CEP290: variants seen among roughly 807,000 people sequenced by gnomAD.
CEP290 encodes centrosomal protein of 290 kDa.
CEP290 carries 317 observed loss-of-function variants against 344.9 expected under a neutral mutation model. The observed-to-expected ratio is 0.92, with a 90% CI of 0.84 to 1.01. The LOEUF (loss-of-function observed/expected upper bound fraction) is 1.01, where lower values mean the gene tolerates loss of function less well. CEP290 is among the 50% of genes least tolerant of loss of function. The pLI, the probability that CEP290 is intolerant of heterozygous loss-of-function variation, is 0.00. For missense variants in CEP290, 2,754 were observed against 2,761.4 expected, an observed-to-expected ratio of 1.00 and a Z score of 0.06; for synonymous variants, 932 against 895.8, an observed-to-expected ratio of 1.04 and a Z score of -0.72.
chr12:88,122,086 G>A (rs945293754), intron 13 of CEP290, among the ~76,000 whole-genome samples: 3 of 151,918 alleles, frequency 2.0e-5, no homozygotes, highest in Non-Finnish European at 4.4e-5. Flanking sequence ...TTGGACTTAG[G>A]CATAAAACTA....
chr12:88,055,562 A>C lies in CEP290; in HGVS notation c.6960+14T>G, dbSNP rs1029688867. On this transcript the variant is annotated intron_variant, in intron 50 of 53. Transcript: ENST00000552810. ...GCATTATTTTATCATGTAAAGAAAA[A>C]TTACGTTACTTACCTGTTGTTCAAG... 2 of 1,555,936 alleles carry C rather than the reference A, an allele frequency of 1.3e-6. No individual in the cohort carries two copies. The highest frequency in any genetic ancestry group is 2.7e-5 in the African/African-American group (2 of 73,036).
At position 88,071,562 on chromosome 12, in the gene CEP290, A is replaced by C. The variant is rs1468536333; in HGVS notation, c.5856-113T>G. ...ATTGTAACACCCTATATTTGTCATA[A>C]GCTAATTTACAACGAGATCACAGGA... On this transcript the variant is annotated intron_variant, in intron 42 of 53. Coordinates refer to ENST00000552810, the MANE Select transcript of CEP290 (RefSeq NM_025114.4). 7.2e-6 allele frequency: 7 copies of C among 967,518 alleles called. No homozygotes were observed. The Admixed American group carries it at 2.1e-4, about 30-fold the overall frequency. The allele number at this position is 967,518 out of a possible 1,614,324, so 59.9% of individuals were successfully genotyped here. A position where few individuals can be genotyped will look rare whatever the true frequency, so the allele number is the denominator to read the frequency against.
chr12:88,060,787 C>A (rs369896065), intron 47 of CEP290, 43 bp downstream of exon 47: 1 of 1,419,096 alleles, frequency 7.0e-7, no homozygotes, highest in Non-Finnish European at 9.5e-7. Context: ...AGTAACAAAA[C>A]GTAAAATATT....
chr12:88,069,821 T>C lies in CEP290; in HGVS notation c.6012-1176A>G, dbSNP rs1047058360. On this transcript the variant is annotated intron_variant, in intron 43 of 53. Coordinates refer to ENST00000552810, the MANE Select transcript of CEP290 (RefSeq NM_025114.4). Reference sequence around the variant, plus strand: ...ATGTGTATTTACAAAGGGTAAATACTGTCATATCCAAATGTTGCAGGTAGA... The same window carrying C: ...ATGTGTATTTACAAAGGGTAAATACCGTCATATCCAAATGTTGCAGGTAGA... 1.4e-4 allele frequency among the ~76,000 whole-genome samples: 21 copies of C among 152,182 alleles called. 1 individual carries two copies. Among genetic ancestry groups the C allele is most frequent in the Admixed American group, 1.2e-3 (19 of 15,274 alleles).
At position 88,115,128 on chromosome 12, in the gene CEP290, T is replaced by A. The variant is rs779087591; in HGVS notation, c.1879A>T (p.Arg627Trp). 5 of 1,489,332 alleles carry A rather than the reference T, an allele frequency of 3.4e-6. No homozygotes were observed. The highest frequency in any genetic ancestry group is 3.7e-6 in the Non-Finnish European group (4 of 1,088,346). 92.3% of individuals were successfully genotyped at this position (1,489,332 alleles called of 1,614,324 possible). A position where few individuals can be genotyped will look rare whatever the true frequency, so the allele number is the denominator to read the frequency against. ...TTCTGAAATTTGGCTATCACTGTCC[T>A]ACTCCTTTCTAAATCTCTTTCTTTT... ...IEKERDLERS[R>W]TVIAKFQNKL... Residue 627 changes from arginine (R) to tryptophan (W), a missense_variant, in exon 19 of 54, where the codon AGG becomes TGG. Arg to Trp is a moderately radical substitution (Grantham distance 101). Coordinates refer to ENST00000552810, the MANE Select transcript of CEP290 (RefSeq NM_025114.4).
At chr12:88,119,916 C>T (rs940634976) in intron 15 of CEP290, among the ~76,000 whole-genome samples, 198 bp downstream of exon 15, 2 of 152,044 alleles carry the variant, frequency 1.3e-5, no homozygotes, top group African/African-American at 4.8e-5. Context: ...CAGCCCTGCC[C>T]ACCCACCACT....
chr12:88,093,657 C>G, intron 28 of CEP290, 113 bp downstream of exon 28: 2 of 712,758 alleles, frequency 2.8e-6, no homozygotes, highest in Non-Finnish European at 4.7e-6. Context: ...AACATAGGCA[C>G]TATATTAATA....
intron 41 of CEP290, among the ~76,000 whole-genome samples, chr12:88,072,843 G>C (rs997462983): frequency 2.6e-5 from 4 of 152,232 alleles, no homozygotes; most frequent in East Asian, 1.9e-4. Context: ...TGGTTAGATA[G>C]ATTGGGGAGA....
chr12:88,060,806 A>T lies in CEP290; in HGVS notation c.6522+24T>A, dbSNP rs536795225. ...ACAAAACGTAAAATATTCCCCTAAA[A>T]ATGATCACATTAAAAAAAATTACCT... is the stretch of plus-strand genomic sequence containing the variant. On this transcript the variant is annotated intron_variant, in intron 47 of 53. Transcript: ENST00000552810. 8.9e-5 allele frequency: 129 copies of T among 1,443,078 alleles called. 3 individuals are homozygous for T. In the South Asian group the frequency reaches 1.6e-3, roughly 18 times the overall value. The allele number at this position is 1,443,078 out of a possible 1,614,324, so 89.4% of individuals were successfully genotyped here. A position where few individuals can be genotyped will look rare whatever the true frequency, so the allele number is the denominator to read the frequency against.
chr12:88,138,410 T>C (rs2040458827), intron 5 of CEP290, among the ~76,000 whole-genome samples: 1 of 152,084 alleles, frequency 6.6e-6, no homozygotes, highest in Non-Finnish European at 1.5e-5. Flanking sequence ...GGATATACAA[T>C]CAAAAACAAT....
rs1565806671 is a variant in CEP290 at position 88,068,526 on chromosome 12, G to A, written c.6131C>T (p.Pro2044Leu). 6.6e-7 allele frequency: 1 copy of A among 1,516,884 alleles called. No homozygotes were observed. Among genetic ancestry groups the A allele is most frequent in the African/African-American group, 1.4e-5 (1 of 70,004 alleles). 94.0% of individuals were successfully genotyped at this position (1,516,884 alleles called of 1,614,324 possible). A position where few individuals can be genotyped will look rare whatever the true frequency, so the allele number is the denominator to read the frequency against. ...KQFSKDTYSK[P>L]SISGIESDDH... ...TAATAAAAGATATACACTTACTGAAGGCTTAGAATATGTATCCTTTGAAAA... is the reference window on the plus strand; with the variant it reads ...TAATAAAAGATATACACTTACTGAAAGCTTAGAATATGTATCCTTTGAAAA... Residue 2044 changes from proline (P) to leucine (L), a missense_variant, in exon 44 of 54, where the codon CCT becomes CTT. Pro to Leu is a moderately conservative substitution (Grantham distance 98). Transcript: ENST00000552810.
chr12:88,053,004 T>C (rs1177639465), intron 52 of CEP290, among the ~76,000 whole-genome samples: 1 of 152,168 alleles, frequency 6.6e-6, no homozygotes, highest in Non-Finnish European at 1.5e-5. Flanking sequence ...TCCAAGGCTC[T>C]GTGGATGTTT....
rs62640581 is a variant in CEP290, at chr12:88,089,247, G to A, written c.3814C>T (p.Arg1272Ter). The change falls in exon 31 of 54, where the codon CGA (arginine) becomes TGA (stop). Residue 1272 changes from arginine to a stop codon, truncating the protein, a stop_gained. Coordinates refer to ENST00000552810, the MANE Select transcript of CEP290 (RefSeq NM_025114.4). LOFTEE classifies it high-confidence loss of function. ...AAGGGTAAAGCTCCACTAAACTGTC[G>A]TCGTAGAGACTGAATTGTTTGGCGC... ...HLRQTIQSLR[R>*]QFSGALPLAQ... 7 of 1,613,788 alleles carry A rather than the reference G, an allele frequency of 4.3e-6. No individual in the cohort carries two copies. The highest frequency in any genetic ancestry group is 4.5e-5 in the East Asian group (2 of 44,874).
At chr12:88,087,014 G>T (rs1255300906) in intron 32 of CEP290, among the ~76,000 whole-genome samples, 1 of 152,154 alleles carries the variant, frequency 6.6e-6, no homozygotes, top group Non-Finnish European at 1.5e-5. Context: ...ACACTGATAA[G>T]GTAAGACATT....
chr12:88,069,943 C>T (rs1023356567), intron 43 of CEP290, among the ~76,000 whole-genome samples: 2 of 152,056 alleles, frequency 1.3e-5, no homozygotes, highest in Non-Finnish European at 2.9e-5. Flanking sequence ...CTGAAGTTTA[C>T]CTTGGAAGAA....
At chr12:88,070,734 A>G (rs1309631366) in intron 43 of CEP290, among the ~76,000 whole-genome samples, 2 of 152,154 alleles carry the variant, frequency 1.3e-5, no homozygotes, top group African/African-American at 4.8e-5. Context: ...AAAGCCCCAA[A>G]TGGAAATCCC....
intron 38 of CEP290, 92 bp from the exon 39 acceptor site, chr12:88,079,321 C>T: frequency 1.0e-6 from 1 of 964,616 alleles, no homozygotes; most frequent in Non-Finnish European, 1.5e-6. Context: ...AGCTTTATTA[C>T]TTCCTACTAT....
chr12:88,091,789 T>C (rs2037066523), intron 29 of CEP290, among the ~76,000 whole-genome samples: 1 of 152,220 alleles, frequency 6.6e-6, no homozygotes, highest in Non-Finnish European at 1.5e-5. Flanking sequence ...TAAAATATTT[T>C]TACTATTTAT....
chr12:88,097,926 A>C (rs1321080376), intron 26 of CEP290, among the ~76,000 whole-genome samples: 1 of 152,020 alleles, frequency 6.6e-6, no homozygotes, highest in Non-Finnish European at 1.5e-5. Context: ...TTCAGTGCCT[A>C]TGTGTGTGTG....
Sources: allele counts gnomAD v4.1 joint callset (sites outside exome capture counted in the v4.1 genomes callset), GRCh38; gene constraint gnomAD v4.1.1; transcripts MANE v1.5; gene names NCBI Gene and HGNC (gene_info 2026-07-23, HGNC 2026-07-21).